Variants in SNX2 observed in about 807,000 individuals in gnomAD.
SNX2 encodes the protein sorting nexin 2, also known as sorting nexin-2.
Under a neutral mutation model 69.9 loss-of-function variants are expected in SNX2, and 25 were observed. That is an observed-to-expected ratio of 0.36 (90% CI 0.26 to 0.50). The LOEUF is 0.50. Among genes scored for constraint, SNX2 ranks in the 20% least tolerant of loss-of-function variants. The pLI is 0.97. For missense variants in SNX2, 551 were observed against 613.3 expected, an observed-to-expected ratio of 0.90 and a Z score of 1.07; for synonymous variants, 229 against 200.4, an observed-to-expected ratio of 1.14 and a Z score of -1.20.
At chr5:122,802,666 G>A (rs1265178183) in intron 5 of SNX2, among the ~76,000 whole-genome samples, 1 of 152,148 alleles carries the variant, frequency 6.6e-6, no homozygotes, top group Non-Finnish European at 1.5e-5. Context: ...CAAAGTAGAG[G>A]TCAGGATTTC....
In SNX2 at chr5:122,799,663, C is replaced by G. The variant is rs181301809; in HGVS notation, c.227-29C>G. 3.2e-6 allele frequency: 5 copies of G among 1,581,720 alleles called. No homozygotes were observed. In the South Asian group the frequency reaches 3.5e-5, roughly 11 times the overall value. On this transcript the variant is annotated intron_variant, in intron 2 of 14. Coordinates refer to ENST00000379516, the MANE Select transcript of SNX2 (RefSeq NM_003100.4). ...TATTGGGGGTTTGCTTGCCAGTGTT[C>G]TTAACTAACTTGTTTAATCTATGTC...
intron 12 of SNX2, 96 bp from the exon 13 acceptor site, chr5:122,827,283 G>A (rs1195074798): frequency 3.8e-5 from 38 of 1,007,842 alleles, no homozygotes; most frequent in Non-Finnish European, 5.5e-5. Flanking sequence ...AGCTTTCTCA[G>A]GATTTTCAGG....
At chr5:122,791,002 G>T (rs1368496540) in intron 1 of SNX2, among the ~76,000 whole-genome samples, 2 of 151,902 alleles carry the variant, frequency 1.3e-5, no homozygotes, top group African/African-American at 4.8e-5. Context: ...TAGGCTTTTT[G>T]TAGATATTCT....
intron 6 of SNX2, 109 bp downstream of exon 6, chr5:122,803,722 G>A (rs971231455): frequency 2.3e-5 from 18 of 767,752 alleles, no homozygotes; most frequent in Non-Finnish European, 3.5e-5. Flanking sequence ...TTTATAATGT[G>A]TAGACATAAC....
intron 10 of SNX2, among the ~76,000 whole-genome samples, chr5:122,817,594 TTTG>T (rs1753927055): frequency 6.6e-6 from 1 of 152,100 alleles, no homozygotes; most frequent in Non-Finnish European, 1.5e-5. Flanking sequence ...TAGAAAATTA[TTTG>T]TTAACTGGTA....
chr5:122,827,436 C>T lies in SNX2; in HGVS notation c.1414C>T (p.Arg472Ter). The change falls in exon 13 of 15, where the codon CGA (arginine) becomes TGA (stop). Residue 472 changes from arginine to a stop codon, truncating the protein, a stop_gained. Transcript: ENST00000379516. LOFTEE classifies it high-confidence loss of function. Reference protein sequence around the residue: ...RDFEQISKTIRKEVGRFEKER... With the variant: ...RDFEQISKTI ...TTTTGAACAGATATCTAAAACGATT[C>T]GAAAAGAAGTGGGAAGATTTGAGGC... The T allele has an allele frequency of 1.2e-6, 2 of 1,613,266 alleles. No homozygotes were observed. Among genetic ancestry groups the T allele is most frequent in the Non-Finnish European group, 1.7e-6 (2 of 1,179,522 alleles).
At chr5:122,814,753 T>TTTTTTTTG (rs1554063741) in intron 7 of SNX2, among the ~76,000 whole-genome samples, 12 of 151,010 alleles carry the variant, frequency 7.9e-5, no homozygotes, top group African/African-American at 2.9e-4. Context: ...GATAGCAGGT[T>TTTTTTTTG]TTTTTTTGTT....
At chr5:122,784,701 T>G (rs1043338349) in intron 1 of SNX2, among the ~76,000 whole-genome samples, 6 of 152,220 alleles carry the variant, frequency 3.9e-5, no homozygotes, top group Non-Finnish European at 7.3e-5. Flanking sequence ...ATTTGTGTTT[T>G]CTTTTTCATG....
At chr5:122,776,859 T>C (rs1334018489) in intron 1 of SNX2, among the ~76,000 whole-genome samples, 2 of 152,198 alleles carry the variant, frequency 1.3e-5, no homozygotes, top group East Asian at 3.8e-4. Flanking sequence ...AACAGAGTGT[T>C]ACAACCTTTT....
intron 1 of SNX2, among the ~76,000 whole-genome samples, chr5:122,782,438 C>CATGTT (rs1242729010): frequency 6.6e-6 from 1 of 151,850 alleles, no homozygotes; most frequent in East Asian, 1.9e-4. Context: ...AAGGTTTCAC[C>CATGTT]ATGTTATCCA....
In SNX2 at chr5:122,795,389, T is replaced by G. The variant is rs775788332; in HGVS notation, c.226+6T>G. 1 of 1,547,008 alleles carries G rather than the reference T, an allele frequency of 6.5e-7. No individual in the cohort carries two copies. The highest frequency in any genetic ancestry group is 1.7e-5 in the Admixed American group (1 of 58,670). On this transcript the variant is annotated splice_donor_region_variant and intron_variant, in intron 2 of 14. Transcript: ENST00000379516. ...CAGAGAAGATCTTTTTGCAGGTAATTGTCATGTATTTATTTTTTAATAATG... is the reference window on the plus strand; with the variant it reads ...CAGAGAAGATCTTTTTGCAGGTAATGGTCATGTATTTATTTTTTAATAATG...
At chr5:122,799,014 A>G (rs78009761) in intron 2 of SNX2, among the ~76,000 whole-genome samples, 1 of 152,054 alleles carries the variant, frequency 6.6e-6, no homozygotes, top group African/African-American at 2.4e-5. Flanking sequence ...GATATTTTAC[A>G]TTTTTGTGTG....
At chr5:122,785,468 A>AT (rs1370637621) in intron 1 of SNX2, among the ~76,000 whole-genome samples, 2 of 147,828 alleles carry the variant, frequency 1.4e-5, no homozygotes, top group Middle Eastern at 3.4e-3. Context: ...GTTTCTTATT[A>AT]AAGTAGAAGC....
At chr5:122,785,874 G>A (rs892402601) in intron 1 of SNX2, among the ~76,000 whole-genome samples, 5 of 152,102 alleles carry the variant, frequency 3.3e-5, no homozygotes, top group East Asian at 1.9e-4. Context: ...GTGGAGTGTC[G>A]TACAAATGTT....
At chr5:122,782,657 C>T (rs1753004099) in intron 1 of SNX2, among the ~76,000 whole-genome samples, 2 of 152,044 alleles carry the variant, frequency 1.3e-5, no homozygotes, top group East Asian at 1.9e-4. Context: ...CTGCCTCAGC[C>T]TCCCTAGTAG....
At chr5:122,798,152 T>A (rs1394085191) in intron 2 of SNX2, among the ~76,000 whole-genome samples, 1 of 148,006 alleles carries the variant, frequency 6.8e-6, no homozygotes, top group African/African-American at 2.5e-5. Context: ...CTTGTAGCTT[T>A]GATATACTGC....
chr5:122,798,809 G>T (rs973104514), intron 2 of SNX2, among the ~76,000 whole-genome samples: 4 of 152,022 alleles, frequency 2.6e-5, no homozygotes, highest in African/African-American at 9.7e-5. Context: ...TTTGTAAACT[G>T]TTCCTGATTT....
At chr5:122,825,913 T>TA (rs1288932790) in intron 11 of SNX2, 137 bp from the exon 12 acceptor site, 3 of 691,016 alleles carry the variant, frequency 4.3e-6, no homozygotes, top group Admixed American at 3.7e-5. Context: ...TTGGCATACT[T>TA]ACTTTCAGTA....
At chr5:122,803,733 T>C (rs1240287912) in intron 6 of SNX2, 120 bp downstream of exon 6, 1 of 685,166 alleles carries the variant, frequency 1.5e-6, no homozygotes, top group Non-Finnish European at 2.4e-6. Context: ...TAGACATAAC[T>C]GAATTTAAGT....
Sources: gnomAD v4.1 joint callset for allele counts (sites outside exome capture counted in the v4.1 genomes callset) on GRCh38, gnomAD v4.1.1 for gene constraint, MANE v1.5 for transcripts, NCBI Gene and HGNC (gene_info 2026-07-23, HGNC 2026-07-21) for gene names.